ALCAM: variants seen among roughly 807,000 people sequenced by gnomAD.
ALCAM encodes activated leukocyte cell adhesion molecule.
In ALCAM, 30 loss-of-function variants were observed where a neutral mutation model predicts 70.9. The observed-to-expected ratio is 0.42, with a 90% confidence interval of 0.32 to 0.57. The LOEUF (loss-of-function observed/expected upper bound fraction) is 0.57. Among genes scored for constraint, ALCAM ranks in the 20% least tolerant of loss-of-function variants. ALCAM has a pLI of 0.11. For synonymous variants in ALCAM, 249 were observed against 242.5 expected, an observed-to-expected ratio of 1.03 and a Z score of -0.25; for missense variants, 591 against 695.1, an observed-to-expected ratio of 0.85 and a Z score of 1.68.
chr3:105,440,041 C>T (rs931075913), intron 1 of ALCAM, among the ~76,000 whole-genome samples: 6 of 152,166 alleles, frequency 3.9e-5, no homozygotes, highest in Non-Finnish European at 7.4e-5. Flanking sequence ...GGAAAAATCT[C>T]ACACGCCATC....
intron 1 of ALCAM, among the ~76,000 whole-genome samples, chr3:105,499,061 G>A (rs1938847471): frequency 6.6e-6 from 1 of 152,026 alleles, no homozygotes; most frequent in Admixed American, 6.6e-5. Flanking sequence ...TTAGGCAAAT[G>A]AATGACAACA....
intron 1 of ALCAM, among the ~76,000 whole-genome samples, chr3:105,394,162 A>G (rs1169688687): frequency 6.6e-6 from 1 of 151,926 alleles, no homozygotes; most frequent in Non-Finnish European, 1.5e-5. Context: ...GAAAAGATTA[A>G]AATTTTATTC....
chr3:105,561,034 TCTC>T lies in ALCAM; in HGVS notation c.1664+8453_1664+8455del, dbSNP rs1306695306. The stretch of plus-strand genomic sequence containing the variant: ...TGGTCTTCAAATCCATGATCATATA[TCTC>T]CTCATTTACTTGGCTCTTTTCAATT... On this transcript the variant is annotated intron_variant, in intron 14 of 15. Transcript: ENST00000306107. Among the ~76,000 whole-genome samples the T allele has an allele frequency of 1.3e-5, 2 of 152,204 alleles. 1 individual carries two copies. The highest frequency in any genetic ancestry group is 4.8e-5 in the African/African-American group (2 of 41,452).
chr3:105,429,605 C>T lies in ALCAM; in HGVS notation c.73+62124C>T, dbSNP rs1375853946. Among the ~76,000 whole-genome samples the T allele has an allele frequency of 2.0e-5, 3 of 151,868 alleles. No individual in the cohort carries two copies. The East Asian group carries it at 5.8e-4, about 29-fold the overall frequency. ...ATTTAAACAGCTGGTATCCCTGTGA[C>T]CCTACCTTTAATCTTCTCCAGAGAA... On this transcript the variant is annotated intron_variant, in intron 1 of 15. Coordinates refer to ENST00000306107, the MANE Select transcript of ALCAM (RefSeq NM_001627.4).
intron 1 of ALCAM, among the ~76,000 whole-genome samples, chr3:105,416,769 G>C (rs922913191): frequency 3.8e-4 from 57 of 151,844 alleles, no homozygotes; most frequent in African/African-American, 1.1e-3. Context: ...CTTCTTCCTT[G>C]AATTACTGAT....
intron 1 of ALCAM, among the ~76,000 whole-genome samples, chr3:105,465,581 C>T (rs1444459553): frequency 6.6e-6 from 1 of 151,368 alleles, no homozygotes; most frequent in Non-Finnish European, 1.5e-5. Flanking sequence ...CTGAAAGTAG[C>T]CCTCTCTAGC....
At chr3:105,376,597 T>C (rs1935385164) in intron 1 of ALCAM, among the ~76,000 whole-genome samples, 1 of 152,242 alleles carries the variant, frequency 6.6e-6, no homozygotes, top group Non-Finnish European at 1.5e-5. Context: ...AAAGATGTTA[T>C]GTTCTCTCAG....
rs141582575 is a variant in ALCAM, at chr3:105,372,104, C to G, written c.73+4623C>G. Among the ~76,000 whole-genome samples, 414 of 152,088 alleles carry G rather than the reference C, an allele frequency of 2.7e-3. 1 individual carries two copies. Among genetic ancestry groups the G allele is most frequent in the African/African-American group, 9.4e-3 (390 of 41,546 alleles). On this transcript the variant is annotated intron_variant, in intron 1 of 15. Coordinates refer to ENST00000306107, the MANE Select transcript of ALCAM (RefSeq NM_001627.4). Reference sequence around the variant, plus strand: ...TTTTCAATAAGAAATGGAAAAAAATCCATTTATACTTTTGATTACTTTTTT... The same window carrying G: ...TTTTCAATAAGAAATGGAAAAAAATGCATTTATACTTTTGATTACTTTTTT...
chr3:105,535,098 G>A (rs1176453405), intron 6 of ALCAM, among the ~76,000 whole-genome samples: 1 of 151,972 alleles, frequency 6.6e-6, no homozygotes, highest in Non-Finnish European at 1.5e-5. Context: ...TACACACTAA[G>A]TTCTTTAAAG....
At chr3:105,406,186 C>A (rs945004081) in intron 1 of ALCAM, among the ~76,000 whole-genome samples, 1 of 152,276 alleles carries the variant, frequency 6.6e-6, no homozygotes, top group Non-Finnish European at 1.5e-5. Flanking sequence ...TACATGGGTC[C>A]AGATACTGGG....
chr3:105,534,369 A>T (rs1197837707), intron 5 of ALCAM, among the ~76,000 whole-genome samples: 1 of 152,112 alleles, frequency 6.6e-6, no homozygotes, highest in Non-Finnish European at 1.5e-5. Context: ...TGATTTTTTA[A>T]ACATCATTTT....
intron 1 of ALCAM, among the ~76,000 whole-genome samples, chr3:105,414,551 G>T (rs13085657): frequency 0.26 from 39,676 of 152,028 alleles, 5,682 homozygotes; most frequent in Admixed American, 0.45. Flanking sequence ...AGAGGAGGCT[G>T]CTATGAAGTT....
intron 1 of ALCAM, among the ~76,000 whole-genome samples, chr3:105,405,214 T>A (rs1167432980): frequency 7.5e-6 from 1 of 133,636 alleles, no homozygotes. Context: ...GAGGTGGAGG[T>A]TGCAGTGAAC....
At chr3:105,429,975 T>C (rs1936887293) in intron 1 of ALCAM, among the ~76,000 whole-genome samples, 1 of 151,970 alleles carries the variant, frequency 6.6e-6, no homozygotes, top group South Asian at 2.1e-4. Flanking sequence ...AAATTAATAA[T>C]ACATAAACAA....
chr3:105,532,542 A>G (rs1482073404), intron 4 of ALCAM, among the ~76,000 whole-genome samples: 1 of 152,100 alleles, frequency 6.6e-6, no homozygotes, highest in African/African-American at 2.4e-5. Context: ...CTAGGAGGTC[A>G]AAGCTGCAGT....
chr3:105,385,960 G>C (rs1210256447), intron 1 of ALCAM, among the ~76,000 whole-genome samples: 1 of 151,504 alleles, frequency 6.6e-6, no homozygotes, highest in Admixed American at 6.6e-5. Flanking sequence ...TTCCATAACT[G>C]AACCAGTGAG....
chr3:105,374,213 C>T (rs756783119), intron 1 of ALCAM, among the ~76,000 whole-genome samples: 1 of 152,074 alleles, frequency 6.6e-6, no homozygotes, highest in Non-Finnish European at 1.5e-5. Flanking sequence ...TGCCCAGTCT[C>T]CTTAGCAGGT....
At chr3:105,371,388 C>A (rs556829304) in intron 1 of ALCAM, among the ~76,000 whole-genome samples, 7 of 152,090 alleles carry the variant, frequency 4.6e-5, no homozygotes, top group African/African-American at 1.7e-4. Context: ...CTCAGCATTT[C>A]AAATTTTTTA....
intron 1 of ALCAM, among the ~76,000 whole-genome samples, chr3:105,381,030 C>A (rs1466386778): frequency 6.6e-6 from 1 of 151,894 alleles, no homozygotes; most frequent in East Asian, 1.9e-4. Flanking sequence ...TCTCCAGTTT[C>A]CCAGTTGGGT....
Sources: allele counts gnomAD v4.1 joint callset (sites outside exome capture counted in the v4.1 genomes callset), GRCh38; gene constraint gnomAD v4.1.1; transcripts MANE v1.5; gene names NCBI Gene and HGNC (gene_info 2026-07-23, HGNC 2026-07-21).